The following NLRP11 variants were observed in gnomAD, a reference collection of about 807,000 sequenced individuals.
NLRP11 encodes NLR family pyrin domain containing 11.
In NLRP11, 53 loss-of-function variants were observed where a neutral mutation model predicts 79.3. The observed-to-expected ratio is 0.67, with a 90% CI of 0.54 to 0.84. NLRP11 has a LOEUF of 0.84. Ranked by LOEUF, NLRP11 falls within the 40% of genes least tolerant of loss-of-function variation. NLRP11 has a pLI of 0.00. For missense variants in NLRP11, 1,264 were observed against 1,255.0 expected, an observed-to-expected ratio of 1.01 and a Z score of -0.11; for synonymous variants, 518 against 462.6, an observed-to-expected ratio of 1.12 and a Z score of -1.54.
In NLRP11 at chr19:55,796,735, G is replaced by A. The variant is rs181136063; in HGVS notation, c.2172-485C>T. ...GGAGTCTTGCTCTGTCGCCCAGGCTGGAGTGCAATGGTGCGATCTCGGCTC... is the reference window on the plus strand; with the variant it reads ...GGAGTCTTGCTCTGTCGCCCAGGCTAGAGTGCAATGGTGCGATCTCGGCTC... On this transcript the variant is annotated intron_variant, in intron 5 of 9. Coordinates refer to ENST00000589093, the Ensembl canonical transcript of NLRP11. 3.3e-5 allele frequency among the ~76,000 whole-genome samples: 5 copies of A among 151,400 alleles called. No individual in the cohort carries two copies. In the East Asian group the frequency reaches 9.7e-4, roughly 29 times the overall value.
intron 2 of NLRP11, among the ~76,000 whole-genome samples, chr19:55,810,642 G>A (rs112453870): frequency 4.9e-4 from 74 of 152,132 alleles, no homozygotes; most frequent in Admixed American, 1.4e-3. Context: ...GATTACAGGC[G>A]TGCACCACCA....
intron 6 of NLRP11, among the ~76,000 whole-genome samples, chr19:55,794,623 G>A (rs1978626158): frequency 6.6e-6 from 1 of 152,152 alleles, no homozygotes; most frequent in Non-Finnish European, 1.5e-5. Context: ...AGCCAGGCGT[G>A]GTGGCGGGTG....
chr19:55,794,972 A>C (rs967887167), intron 6 of NLRP11, among the ~76,000 whole-genome samples: 1 of 152,178 alleles, frequency 6.6e-6, no homozygotes, highest in Non-Finnish European at 1.5e-5. Flanking sequence ...GGCGAAACAA[A>C]AAAACAAGAT....
At chr19:55,807,863 G>C in exon 4 of NLRP11, 1 of 1,610,006 alleles carries the variant, frequency 6.2e-7, no homozygotes, top group South Asian at 1.1e-5. Flanking sequence ...TTGAGTGTGC[G>C]AAGTTTACAG....
At chr19:55,794,743 C>G (rs1299988395) in intron 6 of NLRP11, among the ~76,000 whole-genome samples, 1 of 151,202 alleles carries the variant, frequency 6.6e-6, no homozygotes, top group African/African-American at 2.4e-5. Flanking sequence ...CTGGGCAATA[C>G]AGCGAGACTC....
chr19:55,786,982 GT>G (rs1243903878), intron 9 of NLRP11, among the ~76,000 whole-genome samples: 2 of 152,102 alleles, frequency 1.3e-5, no homozygotes, highest in African/African-American at 4.8e-5. Context: ...TCATAGTAGG[GT>G]CTCCAGCATA....
exon 10 of NLRP11, chr19:55,785,655 C>A (rs370823183): frequency 6.2e-7 from 1 of 1,613,860 alleles, no homozygotes; most frequent in East Asian, 2.2e-5. Flanking sequence ...CTGTATTTGA[C>A]GTTCTCATGG....
In NLRP11 at chr19:55,814,852, A is replaced by G. The variant is rs1164754689; in HGVS notation, c.271+3052T>C. Among the ~76,000 whole-genome samples the G allele has an allele frequency of 4.6e-5, 7 of 152,288 alleles. No homozygotes were observed. In the Middle Eastern group the frequency reaches 0.014, roughly 296 times the overall value. ...CCCACGGAGAACAGAAGAGTGAGAC[A>G]GGACAGCCACCAGCCCAGGACTGGC... On this transcript the variant is annotated intron_variant, in intron 2 of 9. Coordinates refer to ENST00000589093, the Ensembl canonical transcript of NLRP11.
intron 4 of NLRP11, among the ~76,000 whole-genome samples, chr19:55,806,239 A>G (rs1199965767): frequency 6.6e-6 from 1 of 152,220 alleles, no homozygotes; most frequent in Admixed American, 6.5e-5. Flanking sequence ...TTTGTGTTAT[A>G]CACATGTATA....
chr19:55,790,725 G>C (rs1385521104), intron 7 of NLRP11, among the ~76,000 whole-genome samples: 1 of 152,216 alleles, frequency 6.6e-6, no homozygotes, highest in African/African-American at 2.4e-5. Flanking sequence ...TACTCAGGAG[G>C]CTGAGACAGA....
chr19:55,809,401 T>C lies in NLRP11; in HGVS notation c.1209A>G (p.Gly403=). Residue 403 remains glycine (G), a synonymous_variant, in exon 3 of 10, where the codon GGA becomes GGG. Transcript: ENST00000589093. This position sits in a 1 kb window ranked among gnomAD's most constrained non-coding sequence, Gnocchi z 4.5. ...AATTCAGGGTGCTCAGAAACAGTCC[T>C]CCTGCAGCCAGCAAACACAGACGTT... 1 of 1,614,138 alleles carries C rather than the reference T, an allele frequency of 6.2e-7. No individual in the cohort carries two copies. The highest frequency in any genetic ancestry group is 8.5e-7 in the Non-Finnish European group (1 of 1,180,022).
chr19:55,831,878 A>G (rs1982824182), intron 1 of NLRP11, 85 bp downstream of exon 1: 2 of 152,224 alleles, frequency 1.3e-5, no homozygotes, highest in Admixed American at 6.5e-5. Context: ...GCTCCTAACC[A>G]AAGAGAAAGC....
At chr19:55,827,270 TG>T (rs1212844798) in intron 1 of NLRP11, among the ~76,000 whole-genome samples, 1 of 144,180 alleles carries the variant, frequency 6.9e-6, no homozygotes, top group African/African-American at 2.7e-5. Flanking sequence ...CAATTCAAGA[TG>T]GATTAAAGAT....
chr19:55,789,431 A>G (rs766491597), intron 7 of NLRP11, 32 bp from the exon 8 acceptor site: 2 of 1,579,320 alleles, frequency 1.3e-6, no homozygotes, highest in South Asian at 1.2e-5. Context: ...TAGAGTCATG[A>G]CCACCTGTCT....
chr19:55,828,192 C>T (rs1446452153), intron 1 of NLRP11, among the ~76,000 whole-genome samples: 1 of 150,844 alleles, frequency 6.6e-6, no homozygotes, highest in Admixed American at 6.6e-5. Flanking sequence ...TGCATGTTCT[C>T]ACTCATAGGT....
At chr19:55,795,324 G>C (rs1978725474) in intron 6 of NLRP11, among the ~76,000 whole-genome samples, 1 of 151,664 alleles carries the variant, frequency 6.6e-6, no homozygotes, top group South Asian at 2.1e-4. Flanking sequence ...AGGCAATCTA[G>C]CACCAAACCT....
Position 55,808,019 on chromosome 19 carries a change from A to C in NLRP11, c.1842-5T>G. 1 of 1,570,846 alleles carries C rather than the reference A, an allele frequency of 6.4e-7. No individual in the cohort carries two copies. The highest frequency in any genetic ancestry group is 8.6e-7 in the Non-Finnish European group (1 of 1,160,448). The stretch of plus-strand genomic sequence containing the variant: ...TAGACAAGGCTCTTCATTTGACTAC[A>C]TAGAAGAAAAATTGAGTTTTCCAAT... On this transcript the variant is annotated splice_polypyrimidine_tract_variant and splice_region_variant and intron_variant, in intron 3 of 9. Coordinates refer to ENST00000589093, the Ensembl canonical transcript of NLRP11.
chr19:55,801,719 G>A (rs756995777), exon 5 of NLRP11: 1 of 1,614,140 alleles, frequency 6.2e-7, no homozygotes, highest in East Asian at 2.2e-5. Flanking sequence ...AAAACCAGAA[G>A]CAGTCGAGAC....
upstream of NLRP11, among the ~76,000 whole-genome samples, chr19:55,834,552 T>A (rs1192889121): frequency 6.6e-6 from 1 of 152,192 alleles, no homozygotes; most frequent in Non-Finnish European, 1.5e-5. Flanking sequence ...ATGTAATTAG[T>A]GAAACCACTT....
Sources: allele counts gnomAD v4.1 joint callset (sites outside exome capture counted in the v4.1 genomes callset), GRCh38; gene constraint gnomAD v4.1.1; non-coding constraint Gnocchi (gnomAD v3.1); transcripts MANE v1.5; gene names NCBI Gene and HGNC (gene_info 2026-07-23, HGNC 2026-07-21).